Variants in TBX3 observed in about 807,000 individuals in gnomAD.
TBX3 encodes T-box transcription factor TBX3.
In TBX3, 11 loss-of-function variants were observed where a neutral mutation model predicts 47.8. That is an observed-to-expected ratio of 0.23 (90% CI 0.14 to 0.38). The LOEUF is 0.38. TBX3 is among the 10% of genes least tolerant of loss of function. TBX3 has a pLI of 1.00. For synonymous variants in TBX3, 500 were observed against 449.3 expected (o/e 1.11, Z -1.43); for missense variants, 927 against 1,022.8 (o/e 0.91, Z 1.28).
Position 114,671,720 on chromosome 12 carries a change from C to A in TBX3, c.*121G>T, listed in dbSNP as rs916035470. The A allele has an allele frequency of 1.0e-5, 14 of 1,349,778 alleles. No individual in the cohort carries two copies. Among genetic ancestry groups the A allele is most frequent in the Non-Finnish European group, 1.4e-5 (14 of 970,670 alleles). The allele number at this position is 1,349,778 out of a possible 1,614,324, so 83.6% of individuals were successfully genotyped here. On this transcript the variant is annotated 3_prime_UTR_variant, in exon 7 of 7. Transcript: ENST00000349155. ...CTCTCGAGGGAGTCCGGGGCCCCTT[C>A]CCAGACGCAACTGCAAAAGGAAGGG...
At chr12:114,677,803 A>G (rs1868771017) in intron 3 of TBX3, 147 bp from the exon 4 acceptor site, 1 of 739,460 alleles carries the variant, frequency 1.4e-6, no homozygotes, top group African/African-American at 1.8e-5. Context: ...TAATAAGGAA[A>G]CTGTGGCAGG....
intron 3 of TBX3, among the ~76,000 whole-genome samples, chr12:114,678,154 G>A (rs1006086738): frequency 1.3e-5 from 2 of 151,994 alleles, no homozygotes; most frequent in African/African-American, 4.8e-5. Flanking sequence ...TTCTTTGCCT[G>A]GGGGGTGGTT....
Position 114,683,976 on chromosome 12 carries a change from C to A in TBX3, c.-776G>T, listed in dbSNP as rs1043182655. The A allele has an allele frequency of 8.7e-6, 2 of 230,248 alleles. No individual in the cohort carries two copies. Among genetic ancestry groups the A allele is most frequent in the Admixed American group, 5.7e-5 (1 of 17,684 alleles). The allele number at this position is 230,248 out of a possible 1,614,324, so 14.3% of individuals were successfully genotyped here. ...CCTCTCTCTCTTCCTTGTCCTAAAA[C>A]GTGAGCGAATTCGCTTCCTAAATCT... is the stretch of plus-strand genomic sequence containing the variant. On this transcript the variant is annotated 5_prime_UTR_variant, in exon 1 of 7. Transcript: ENST00000349155. This position sits in a 1 kb window ranked among gnomAD's most constrained non-coding sequence, Gnocchi z 7.7.
intron 2 of TBX3, chr12:114,680,621 G>C (rs1868886286): frequency 1.7e-6 from 1 of 589,936 alleles, no homozygotes; most frequent in South Asian, 2.0e-5. Context: ...TTCACTCTCA[G>C]GTCAGGAATC....
At chr12:114,678,017 C>T (rs1034547163) in intron 3 of TBX3, among the ~76,000 whole-genome samples, 2 of 136,668 alleles carry the variant, frequency 1.5e-5, no homozygotes, top group Non-Finnish European at 3.1e-5. Flanking sequence ...TAGCATACTC[C>T]CTTCACACAC....
chr12:114,679,833 C>T (rs1184708967), intron 2 of TBX3, 182 bp from the exon 3 acceptor site: 2 of 1,562,020 alleles, frequency 1.3e-6, no homozygotes, highest in African/African-American at 2.7e-5. Flanking sequence ...TCTGGAGAAT[C>T]CAAATTGCTC....
chr12:114,677,761 A>C (rs1258984853), intron 3 of TBX3, 105 bp from the exon 4 acceptor site: 3 of 1,045,158 alleles, frequency 2.9e-6, no homozygotes, highest in African/African-American at 3.2e-5. Context: ...GACTGCCAAC[A>C]GAAGTCATAT....
chr12:114,675,778 C>A (rs531627339), intron 5 of TBX3, among the ~76,000 whole-genome samples: 1 of 151,348 alleles, frequency 6.6e-6, no homozygotes, highest in East Asian at 2.0e-4. Flanking sequence ...CTACCCCCAC[C>A]GCAGATCCCC....
rs3068592 is a variant in TBX3 at position 114,678,020 on chromosome 12, TCACACACACA to T, written c.805-374_805-365del. Among the ~76,000 whole-genome samples the T allele has an allele frequency of 4.7e-3, 673 of 144,250 alleles. 2 individuals are homozygous for T. The highest frequency in any genetic ancestry group is 0.012 in the African/African-American group (488 of 39,218). 94.6% of individuals were successfully genotyped at this position (144,250 alleles called of 152,430 possible). ...AATCATAAATTATAGCATACTCCCT[TCACACACACA>T]CACACACACACACACACACACACAC... On this transcript the variant is annotated intron_variant, in intron 3 of 6. Transcript: ENST00000349155.
intron 6 of TBX3, among the ~76,000 whole-genome samples, chr12:114,672,924 T>C (rs1868516086): frequency 6.6e-6 from 1 of 152,194 alleles, no homozygotes; most frequent in Non-Finnish European, 1.5e-5. Flanking sequence ...AAAGGGCATT[T>C]GTTATAAACA....
At chr12:114,673,820 T>C (rs1042959565) in intron 6 of TBX3, among the ~76,000 whole-genome samples, 1 of 151,984 alleles carries the variant, frequency 6.6e-6, no homozygotes, top group African/African-American at 2.4e-5. Context: ...AAAGTGGAGG[T>C]GATAATAGTA....
At position 114,671,622 on chromosome 12, in the gene TBX3, A is replaced by C. The variant is rs1414873328; in HGVS notation, c.*219T>G. 5 of 626,638 alleles carry C rather than the reference A, an allele frequency of 8.0e-6. No homozygotes were observed. Among genetic ancestry groups the C allele is most frequent in the African/African-American group, 1.8e-5 (1 of 54,378 alleles). The allele number at this position is 626,638 out of a possible 1,614,324, so 38.8% of individuals were successfully genotyped here. A position where few individuals can be genotyped will look rare whatever the true frequency, so the allele number is the denominator to read the frequency against. The stretch of plus-strand genomic sequence containing the variant: ...TAGCTCAATGCAACCGACGTTTCTG[A>C]GCCCCCAGAATCTGATCCAGATCCC... On this transcript the variant is annotated 3_prime_UTR_variant, in exon 7 of 7. Transcript: ENST00000349155.
At chr12:114,682,089 C>A (rs1868954119) in intron 1 of TBX3, among the ~76,000 whole-genome samples, 1 of 152,028 alleles carries the variant, frequency 6.6e-6, no homozygotes, top group Non-Finnish European at 1.5e-5. Flanking sequence ...CTCTTCCAGG[C>A]AGGTTTTGGT....
Position 114,683,179 on chromosome 12 carries a change from G to T in TBX3, c.22C>A (p.Pro8Thr), listed in dbSNP as rs770471600. MSLSMRD[P>T]VIPGTSMAYH... ...GCCATGCTTGTCCCAGGAATGACCG[G>T]ATCTCTCATGGAGAGGCTCATCCAC... is the stretch of plus-strand genomic sequence containing the variant. Residue 8 changes from proline to threonine, a missense_variant, in exon 1 of 7, where the codon CCG becomes ACG. Physicochemically the swap from Pro to Thr is conservative, Grantham distance 38. Around this residue, in one of 5 missense-constraint regions of TBX3, gnomAD observed 216 missense variants for 281.2 expected, o/e 0.77. Coordinates refer to ENST00000349155, the MANE Select transcript of TBX3 (RefSeq NM_005996.4). The surrounding 1 kb of genome is among the most constrained non-coding windows in gnomAD (Gnocchi z 7.7). The T allele has an allele frequency of 1.2e-6, 2 of 1,611,888 alleles. No homozygotes were observed. Among genetic ancestry groups the T allele is most frequent in the South Asian group, 2.2e-5 (2 of 91,030 alleles).
chr12:114,678,020 TCACA>T (rs3068592), intron 3 of TBX3, among the ~76,000 whole-genome samples: 2,932 of 144,206 alleles, frequency 0.02, 61 homozygotes, highest in African/African-American at 0.058. Context: ...CATACTCCCT[TCACA>T]CACACACACA....
intron 3 of TBX3, among the ~76,000 whole-genome samples, chr12:114,678,890 CT>C (rs1405970856): frequency 1.3e-5 from 2 of 152,000 alleles, no homozygotes; most frequent in African/African-American, 4.8e-5. Context: ...GAAGTGGTGA[CT>C]TTGGCCACCC....
Position 114,671,764 on chromosome 12 carries a change from C to G in TBX3, c.*77G>C. On this transcript the variant is annotated 3_prime_UTR_variant, in exon 7 of 7. Transcript: ENST00000349155. ...GGAAGGGCTAACGCCATGGCGGGCC[C>G]GTGGTTTATTTTATATCCGACAAAG... The G allele has an allele frequency of 6.6e-7, 1 of 1,525,522 alleles. No homozygotes were observed. The highest frequency in any genetic ancestry group is 1.2e-5 in the South Asian group (1 of 82,990). 94.5% of individuals were successfully genotyped at this position (1,525,522 alleles called of 1,614,324 possible). A position where few individuals can be genotyped will look rare whatever the true frequency, so the allele number is the denominator to read the frequency against.
At position 114,683,526 on chromosome 12, in the gene TBX3, C is replaced by A. The variant is rs886049016; in HGVS notation, c.-326G>T. On this transcript the variant is annotated 5_prime_UTR_variant, in exon 1 of 7. Coordinates refer to ENST00000349155, the MANE Select transcript of TBX3 (RefSeq NM_005996.4). The surrounding 1 kb of genome is among the most constrained non-coding windows in gnomAD (Gnocchi z 7.7). ...ACGTCGGTTTCAGAAGCGAGAGGAG[C>A]GAGCAGGGTCTCGACTCGCGCCCGA... is the stretch of plus-strand genomic sequence containing the variant. 1.4e-5 allele frequency: 5 copies of A among 365,032 alleles called. No homozygotes were observed. The highest frequency in any genetic ancestry group is 1.3e-4 in the East Asian group (3 of 22,450). The allele number at this position is 365,032 out of a possible 1,614,324, so 22.6% of individuals were successfully genotyped here.
Position 114,670,963 on chromosome 12 carries a change from T to C in TBX3, c.*878A>G, listed in dbSNP as rs1868394359. The C allele has an allele frequency of 4.7e-6, 1 of 210,982 alleles. No individual in the cohort carries two copies. The highest frequency in any genetic ancestry group is 9.6e-6 in the Non-Finnish European group (1 of 104,060). 13.1% of individuals were successfully genotyped at this position (210,982 alleles called of 1,614,324 possible). On this transcript the variant is annotated 3_prime_UTR_variant, in exon 7 of 7. Coordinates refer to ENST00000349155, the MANE Select transcript of TBX3 (RefSeq NM_005996.4). ...CTAATAGTCTCACTTCTTTATTATT[T>C]TTTTAAAACCTTGTTATTGCATATA...
Sources: allele counts gnomAD v4.1 joint callset (sites outside exome capture counted in the v4.1 genomes callset), GRCh38; gene constraint gnomAD v4.1.1; regional missense constraint gnomAD v4.1.1; non-coding constraint Gnocchi (gnomAD v3.1); transcripts MANE v1.5; gene names NCBI Gene and HGNC (gene_info 2026-07-23, HGNC 2026-07-21).